Variants in DAB1 observed in about 807,000 individuals in gnomAD.
DAB1 encodes the protein DAB adaptor protein 1.
In DAB1, 15 loss-of-function variants were observed where a neutral mutation model predicts 64.6. That is an observed-to-expected ratio of 0.23 (90% CI 0.16 to 0.36). DAB1 has a LOEUF of 0.36. DAB1 is among the 10% of genes least tolerant of loss of function. The pLI is 1.00. For synonymous variants in DAB1, 235 were observed against 251.9 expected (o/e 0.93, Z 0.64); for missense variants, 596 against 706.7 (o/e 0.84, Z 1.78).
rs140985781 is a variant in DAB1 at position 57,656,541 on chromosome 1, T to G, written n.552-6876A>C. On this transcript the variant is annotated intron_variant and non_coding_transcript_variant, in intron 6 of 20. Coordinates refer to the DAB1 transcript ENST00000485760. ...CAGAATGTGACTGCAGTTTGTTAGC[T>G]GAGAGGGTCTGGAAGCCTAGAAAAG... Among the ~76,000 whole-genome samples, 179 of 152,364 alleles carry G rather than the reference T, an allele frequency of 1.2e-3. 7 individuals carry two copies. In the East Asian group the frequency reaches 0.029, roughly 24 times the overall value.
At chr1:57,369,333 G>A (rs71642115) in intron 1 of DAB1, among the ~76,000 whole-genome samples, 3,110 of 152,308 alleles carry the variant, frequency 0.02, 42 homozygotes, top group South Asian at 0.042. Flanking sequence ...TGATGCCCAC[G>A]TAGTATCAAG....
At position 57,072,310 on chromosome 1, in the gene DAB1, T is replaced by G; in HGVS notation, c.411A>C (p.Arg137Ser). The G allele has an allele frequency of 6.2e-7, 1 of 1,613,852 alleles. No homozygotes were observed. Among genetic ancestry groups the G allele is most frequent in the Non-Finnish European group, 8.5e-7 (1 of 1,179,804 alleles). Residue 137 changes from arginine to serine, a missense_variant, in exon 5 of 15, where the codon AGA becomes AGC. By Grantham distance (110) the Arg-to-Ser change is moderately radical. Transcript: ENST00000371236. Reference protein sequence around the residue: ...GYVCGKEGNHRFVAIKTAQAA... With the variant: ...GYVCGKEGNHSFVAIKTAQAA... ...CCTGGGCTGTTTTTATGGCCACAAA[T>G]CTGTGATTCCCTTCCTTCCCACAAA...
chr1:58,506,675 T>G (rs546932366), intron 2 of DAB1, among the ~76,000 whole-genome samples: 1 of 152,188 alleles, frequency 6.6e-6, no homozygotes, highest in Non-Finnish European at 1.5e-5. Context: ...TTAAAAATTC[T>G]GTTTTCATAA....
chr1:57,265,392 C>A (rs1349350609), intron 2 of DAB1, among the ~76,000 whole-genome samples: 3 of 152,170 alleles, frequency 2.0e-5, no homozygotes, highest in Non-Finnish European at 2.9e-5. Flanking sequence ...CAGCCTAATG[C>A]GTCTGTATCT....
intron 7 of DAB1, among the ~76,000 whole-genome samples, chr1:57,509,877 T>A (rs925288801): frequency 3.9e-5 from 6 of 152,184 alleles, no homozygotes; most frequent in Admixed American, 2.0e-4. Flanking sequence ...GACGAAAACC[T>A]TTCCTCAACC....
chr1:57,129,867 A>G (rs1657496144), intron 4 of DAB1, among the ~76,000 whole-genome samples: 1 of 152,020 alleles, frequency 6.6e-6, no homozygotes, highest in Admixed American at 6.6e-5. Flanking sequence ...TTAGCATTTC[A>G]TTGTAAGCTG....
At chr1:57,299,752 G>A (rs1001021169) in intron 1 of DAB1, among the ~76,000 whole-genome samples, 3 of 152,202 alleles carry the variant, frequency 2.0e-5, no homozygotes, top group Non-Finnish European at 4.4e-5. Flanking sequence ...AAAGCAGCAA[G>A]CTGTCCAAGG....
intron 6 of DAB1, among the ~76,000 whole-genome samples, chr1:57,693,311 T>C (rs996251487): frequency 5.3e-5 from 8 of 151,238 alleles, no homozygotes; most frequent in African/African-American, 1.9e-4. Context: ...CTGGCCTTAC[T>C]GGGTCAAGTG....
chr1:57,932,342 T>G (rs1644965171), intron 5 of DAB1, among the ~76,000 whole-genome samples: 1 of 152,232 alleles, frequency 6.6e-6, no homozygotes, highest in East Asian at 1.9e-4. Flanking sequence ...ATGCGTCAAT[T>G]ATATTCAGTT....
Position 57,314,696 on chromosome 1 carries a change from T to A in DAB1, c.-136-23530A>T, listed in dbSNP as rs11803644. 2.3e-3 allele frequency among the ~76,000 whole-genome samples: 355 copies of A among 151,200 alleles called. 1 individual carries two copies. Among genetic ancestry groups the A allele is most frequent in the African/African-American group, 8.1e-3 (332 of 41,170 alleles). On this transcript the variant is annotated intron_variant, in intron 1 of 14. Transcript: ENST00000371236. ...TACTTGGGAAGTTGAGGCAGAAGGA[T>A]CGCTTGAGCTCAGGAGTCCCAGGCC...
chr1:58,161,397 G>A (rs1027254989), intron 4 of DAB1, among the ~76,000 whole-genome samples: 5 of 152,114 alleles, frequency 3.3e-5, no homozygotes, highest in Admixed American at 1.3e-4. Flanking sequence ...AAAAGAGCTT[G>A]GGCTTTGCAT....
At chr1:57,042,939 C>A (rs1647983666) in intron 9 of DAB1, among the ~76,000 whole-genome samples, 1 of 152,046 alleles carries the variant, frequency 6.6e-6, no homozygotes, top group Non-Finnish European at 1.5e-5. Flanking sequence ...ATCTACCCTG[C>A]CATTTGGCCA....
At chr1:58,206,025 A>T (rs1658258777) in intron 4 of DAB1, among the ~76,000 whole-genome samples, 1 of 152,126 alleles carries the variant, frequency 6.6e-6, no homozygotes, top group Admixed American at 6.6e-5. Flanking sequence ...TGAACCCCAA[A>T]TATCTGAGAC....
At chr1:57,775,169 A>C (rs570272871) in intron 6 of DAB1, among the ~76,000 whole-genome samples, 1 of 151,358 alleles carries the variant, frequency 6.6e-6, no homozygotes, top group Admixed American at 6.6e-5. Flanking sequence ...CTTGGTTAGC[A>C]TAATTATATG....
At position 57,994,821 on chromosome 1, in the gene DAB1, G is replaced by A. The variant is rs537711105; in HGVS notation, n.388-110659C>T. Among the ~76,000 whole-genome samples, 8 of 152,218 alleles carry A rather than the reference G, an allele frequency of 5.3e-5. No homozygotes were observed. In the South Asian group the frequency reaches 1.7e-3, roughly 32 times the overall value. On this transcript the variant is annotated intron_variant and non_coding_transcript_variant, in intron 5 of 20. Coordinates refer to the DAB1 transcript ENST00000485760. ...AGGGTGATGGAATTCTTAGGAGGAA[G>A]GAGCTTTCAGCTAGAAAAATTTGAA...
intron 7 of DAB1, among the ~76,000 whole-genome samples, chr1:57,490,163 T>C (rs1425780631): frequency 6.6e-6 from 1 of 152,172 alleles, no homozygotes; most frequent in Non-Finnish European, 1.5e-5. Context: ...GAAATAAATT[T>C]CTGTTGCTAA....
chr1:57,020,176 G>A (rs2100358104), intron 11 of DAB1, among the ~76,000 whole-genome samples: 2 of 152,266 alleles, frequency 1.3e-5, no homozygotes, highest in Middle Eastern at 6.8e-3. Context: ...ACAAGCCTCT[G>A]GGGTGAGTGT....
intron 1 of DAB1, among the ~76,000 whole-genome samples, chr1:57,367,118 T>TAAAATAAAATAAAATAAAATAAAATA (rs200326231): frequency 1.5e-5 from 2 of 130,020 alleles, no homozygotes; most frequent in South Asian, 2.6e-4. Context: ...TAAAATAAAA[T>TAAAATAAAATAAAATAAAATAAAATA]AAATAAATTA....
At chr1:58,404,676 T>C (rs1644599970) in intron 3 of DAB1, among the ~76,000 whole-genome samples, 1 of 152,186 alleles carries the variant, frequency 6.6e-6, no homozygotes, top group Non-Finnish European at 1.5e-5. Flanking sequence ...GTAAGCCCAC[T>C]CTCAGGGACC....
Sources: gnomAD v4.1 joint callset for allele counts (sites outside exome capture counted in the v4.1 genomes callset) on GRCh38, gnomAD v4.1.1 for gene constraint, MANE v1.5 for transcripts, NCBI Gene and HGNC (gene_info 2026-07-23, HGNC 2026-07-21) for gene names.